WDPCP: variants seen among roughly 807,000 people sequenced by gnomAD.
The protein encoded by WDPCP is WD repeat containing planar cell polarity effector.
A neutral mutation model predicts 93.1 loss-of-function variants in WDPCP; 71 were observed. That is an observed-to-expected ratio of 0.76 (90% CI 0.63 to 0.93). WDPCP has a LOEUF of 0.93. Among genes scored for constraint, WDPCP ranks in the 40% least tolerant of loss-of-function variants. The pLI is 0.00. For synonymous variants in WDPCP, 315 were observed against 315.0 expected, an observed-to-expected ratio of 1.00 and a Z score of 0.00; for missense variants, 844 against 887.4, an observed-to-expected ratio of 0.95 and a Z score of 0.62.
At chr2:63,187,619 C>T (rs967228929) in intron 14 of WDPCP, among the ~76,000 whole-genome samples, 1 of 152,232 alleles carries the variant, frequency 6.6e-6, no homozygotes, top group East Asian at 1.9e-4. Flanking sequence ...GCTGCCATTT[C>T]CCCCCTTATG....
intron 2 of WDPCP, among the ~76,000 whole-genome samples, chr2:63,707,565 G>A (rs1669182505): frequency 6.6e-6 from 1 of 152,080 alleles, no homozygotes; most frequent in African/African-American, 2.4e-5. Flanking sequence ...CTTTGCCATT[G>A]GTTCGAACTT....
the WDPCP span, among the ~76,000 whole-genome samples, chr2:63,840,647 C>T: frequency 2.0e-5 from 3 of 152,262 alleles, no homozygotes; most frequent in Non-Finnish European, 2.9e-5. Context: ...CGGTGGGGAG[C>T]TCCGGCTCTA....
At chr2:63,241,218 G>A (rs895614261) in intron 14 of WDPCP, among the ~76,000 whole-genome samples, 19 of 152,148 alleles carry the variant, frequency 1.2e-4, no homozygotes, top group Non-Finnish European at 2.5e-4. Flanking sequence ...CAAGCAGTTA[G>A]TCTTTGATGT....
chr2:63,410,783 A>G (rs933443723), intron 9 of WDPCP, among the ~76,000 whole-genome samples: 11 of 152,224 alleles, frequency 7.2e-5, no homozygotes, highest in African/African-American at 2.7e-4. Context: ...AACAGCAGTT[A>G]AAAGAGACAA....
intron 11 of WDPCP, among the ~76,000 whole-genome samples, chr2:63,379,757 T>C (rs1034884755): frequency 6.6e-6 from 1 of 152,052 alleles, no homozygotes; most frequent in Non-Finnish European, 1.5e-5. Flanking sequence ...GTTCCACTAA[T>C]AAAAGGAAAA....
At chr2:63,699,705 T>C (rs549711906) in intron 2 of WDPCP, among the ~76,000 whole-genome samples, 76 of 152,144 alleles carry the variant, frequency 5.0e-4, no homozygotes, top group Non-Finnish European at 2.9e-5. Context: ...AACATAGAGG[T>C]ATCCCATAGC....
At chr2:63,526,573 T>C (rs527809017) in intron 1 of WDPCP, among the ~76,000 whole-genome samples, 49 of 152,348 alleles carry the variant, frequency 3.2e-4, no homozygotes, top group African/African-American at 1.1e-3. Flanking sequence ...CATAGCTGAC[T>C]ATCCTCCAGA....
At chr2:63,181,797 G>A (rs1363706573) in intron 14 of WDPCP, among the ~76,000 whole-genome samples, 1 of 150,986 alleles carries the variant, frequency 6.6e-6, no homozygotes, top group East Asian at 1.9e-4. Context: ...TAATGATATT[G>A]ATTTTTGTGA....
chr2:63,477,776 C>T (rs954069315), intron 6 of WDPCP: 3 of 152,180 alleles, frequency 2.0e-5, no homozygotes, highest in African/African-American at 7.2e-5. Flanking sequence ...AAATAGGGAA[C>T]CTAAAGGTCT....
chr2:63,257,109 TATC>T (rs964516013), intron 14 of WDPCP, among the ~76,000 whole-genome samples: 13 of 152,190 alleles, frequency 8.5e-5, no homozygotes, highest in African/African-American at 2.7e-4. Flanking sequence ...TTGTTCAGAT[TATC>T]ATCATCCAGC....
intron 12 of WDPCP, among the ~76,000 whole-genome samples, chr2:63,344,606 C>T (rs1026479712): frequency 2.0e-5 from 3 of 152,162 alleles, no homozygotes; most frequent in Non-Finnish European, 4.4e-5. Context: ...TCCCAGGTTT[C>T]TTTGGTCTGT....
At chr2:63,727,587 C>A (rs1669509723) in intron 2 of WDPCP, among the ~76,000 whole-genome samples, 1 of 152,138 alleles carries the variant, frequency 6.6e-6, no homozygotes, top group African/African-American at 2.4e-5. Context: ...ATAGGAGTCC[C>A]TTCTCCTCTA....
At chr2:63,591,928 A>C (rs1032697694), upstream of WDPCP, among the ~76,000 whole-genome samples, 1 of 152,232 alleles carries the variant, frequency 6.6e-6, no homozygotes, top group Non-Finnish European at 1.5e-5. Flanking sequence ...CCATTTTACT[A>C]TGGGGAAATA....
At chr2:63,800,200 TA>T (rs942743439) in intron 2 of WDPCP, among the ~76,000 whole-genome samples, 2 of 151,252 alleles carry the variant, frequency 1.3e-5, no homozygotes, top group Admixed American at 6.6e-5. Context: ...AACTTAATTC[TA>T]AAAAAAAACC....
In WDPCP at chr2:63,433,856, A is replaced by G. The variant is rs777488690; in HGVS notation, c.714T>C (p.Val238=). ...HLAINCVHDR[V]VCWWPLVNDD... ...CGTTGACCAGTGGCCACCAGCAAACAACTCTATCATGAACACAGTTGATAG... is the reference window on the plus strand; with the variant it reads ...CGTTGACCAGTGGCCACCAGCAAACGACTCTATCATGAACACAGTTGATAG... Residue 238 remains valine (V), a synonymous_variant, in exon 9 of 18, where the codon GTT becomes GTC. Coordinates refer to ENST00000272321, the MANE Select transcript of WDPCP (RefSeq NM_015910.7). 6.2e-7 allele frequency: 1 copy of G among 1,614,014 alleles called. No homozygotes were observed. The highest frequency in any genetic ancestry group is 1.1e-5 in the South Asian group (1 of 91,064).
intron 14 of WDPCP, among the ~76,000 whole-genome samples, chr2:63,209,689 T>G (rs964279101): frequency 6.6e-6 from 1 of 152,224 alleles, no homozygotes; most frequent in African/African-American, 2.4e-5. Context: ...ATTAAAATAC[T>G]TCAATGACAG....
chr2:63,729,301 C>T (rs1483774724), intron 2 of WDPCP, among the ~76,000 whole-genome samples: 1 of 151,886 alleles, frequency 6.6e-6, no homozygotes. Flanking sequence ...ATTTTTTAAC[C>T]TAAAACCATT....
intron 1 of WDPCP, among the ~76,000 whole-genome samples, chr2:63,533,320 G>T (rs890405991): frequency 2.6e-5 from 4 of 152,060 alleles, no homozygotes; most frequent in African/African-American, 9.7e-5. Flanking sequence ...AGTTAACAAG[G>T]ATATCCAGGA....
chr2:63,813,231 T>C (rs971931201), intron 2 of WDPCP, among the ~76,000 whole-genome samples: 1 of 152,064 alleles, frequency 6.6e-6, no homozygotes, highest in Non-Finnish European at 1.5e-5. Context: ...TGAGAAATGG[T>C]GAAGGCCTAA....
Sources: allele counts gnomAD v4.1 joint callset (sites outside exome capture counted in the v4.1 genomes callset), GRCh38; gene constraint gnomAD v4.1.1; transcripts MANE v1.5; gene names NCBI Gene and HGNC (gene_info 2026-07-23, HGNC 2026-07-21).